The following TEAD1 variants were observed in gnomAD, a reference collection of about 807,000 sequenced individuals.
TEAD1 encodes the protein transcriptional enhancer factor TEF-1.
In TEAD1, 9 loss-of-function variants were observed where a neutral mutation model predicts 54.9. The observed-to-expected ratio is 0.16, with a 90% confidence interval of 0.10 to 0.29. TEAD1 has a LOEUF of 0.29. TEAD1 is among the 10% of genes least tolerant of loss of function. The pLI is 1.00. For synonymous variants in TEAD1, 200 were observed against 187.8 expected, an observed-to-expected ratio of 1.07 and a Z score of -0.53; for missense variants, 387 against 535.9, an observed-to-expected ratio of 0.72 and a Z score of 2.74.
At chr11:12,791,223 T>G (rs1945795759) in intron 3 of TEAD1, among the ~76,000 whole-genome samples, 1 of 152,180 alleles carries the variant, frequency 6.6e-6, no homozygotes, top group Non-Finnish European at 1.5e-5. Flanking sequence ...ATTTATAACT[T>G]CCAGATAACA....
At chr11:12,775,365 A>G (rs1006171101) in intron 3 of TEAD1, among the ~76,000 whole-genome samples, 1 of 152,130 alleles carries the variant, frequency 6.6e-6, no homozygotes, top group African/African-American at 2.4e-5. Flanking sequence ...GTGGGTGGAC[A>G]TTTGTGTTCT....
At chr11:12,674,862 G>A (rs997140728) in intron 1 of TEAD1, 28 bp downstream of exon 1, 2 of 150,780 alleles carry the variant, frequency 1.3e-5, no homozygotes, top group African/African-American at 4.9e-5. Flanking sequence ...GCGGATGCTG[G>A]GGTGCGGGGG....
intron 10 of TEAD1, among the ~76,000 whole-genome samples, chr11:12,915,829 G>A (rs1489268144): frequency 1.3e-5 from 2 of 152,214 alleles, no homozygotes; most frequent in African/African-American, 4.8e-5. Context: ...GGGCAGCAGA[G>A]TGAGACTCTG....
chr11:12,758,326 C>T (rs959355978), intron 2 of TEAD1, among the ~76,000 whole-genome samples: 21 of 151,196 alleles, frequency 1.4e-4, no homozygotes, highest in South Asian at 4.2e-4. Context: ...CTGTGACCTC[C>T]GCCTCCTGGG....
intron 5 of TEAD1, among the ~76,000 whole-genome samples, chr11:12,865,781 C>T (rs1478488837): frequency 6.6e-6 from 1 of 152,046 alleles, no homozygotes; most frequent in East Asian, 1.9e-4. Context: ...TTTAGAAATG[C>T]AAAGAGATTA....
At chr11:12,813,041 T>A (rs1221059212) in intron 3 of TEAD1, among the ~76,000 whole-genome samples, 1 of 152,218 alleles carries the variant, frequency 6.6e-6, no homozygotes, top group East Asian at 1.9e-4. Flanking sequence ...CAGATGCTCC[T>A]AGTGAACTTT....
At chr11:12,723,760 A>G (rs1179568132) in intron 2 of TEAD1, among the ~76,000 whole-genome samples, 1 of 152,242 alleles carries the variant, frequency 6.6e-6, no homozygotes, top group Non-Finnish European at 1.5e-5. Flanking sequence ...GAGTGAGGAT[A>G]AAGAAAATCA....
chr11:12,739,248 CATCT>C (rs1173485864), intron 2 of TEAD1, among the ~76,000 whole-genome samples: 1 of 151,926 alleles, frequency 6.6e-6, no homozygotes, highest in Non-Finnish European at 1.5e-5. Flanking sequence ...ATCTATCAGT[CATCT>C]ATCTCTGTCA....
At chr11:12,707,064 A>G (rs919580344) in intron 2 of TEAD1, among the ~76,000 whole-genome samples, 23 of 148,706 alleles carry the variant, frequency 1.5e-4, no homozygotes, top group African/African-American at 5.2e-4. Context: ...ATTGATGGCC[A>G]GTTGGAGATT....
intron 9 of TEAD1, among the ~76,000 whole-genome samples, chr11:12,891,711 G>C (rs1408155179): frequency 6.6e-6 from 1 of 152,234 alleles, no homozygotes; most frequent in Non-Finnish European, 1.5e-5. Context: ...CTGGCTAATA[G>C]ATGGCAGGGT....
intron 3 of TEAD1, among the ~76,000 whole-genome samples, chr11:12,787,291 T>C (rs925724365): frequency 1.3e-5 from 2 of 152,174 alleles, no homozygotes; most frequent in Non-Finnish European, 2.9e-5. Context: ...GCCTTTTTCT[T>C]CCTCATTTAA....
At chr11:12,848,609 G>C (rs562153422) in intron 3 of TEAD1, among the ~76,000 whole-genome samples, 1 of 152,222 alleles carries the variant, frequency 6.6e-6, no homozygotes, top group Admixed American at 6.5e-5. Flanking sequence ...TGCTGAGCTA[G>C]GTAGAATTAG....
chr11:12,869,480 C>G (rs1947694541), intron 5 of TEAD1, among the ~76,000 whole-genome samples: 1 of 152,092 alleles, frequency 6.6e-6, no homozygotes, highest in African/African-American at 2.4e-5. Context: ...TGTTGTGTGC[C>G]AGAACTTTTC....
chr11:12,796,965 T>C (rs1438699467), intron 3 of TEAD1, among the ~76,000 whole-genome samples: 3 of 151,964 alleles, frequency 2.0e-5, no homozygotes, highest in Admixed American at 2.0e-4. Flanking sequence ...ACAAAAAAAT[T>C]AGCTGGGTGT....
At position 12,879,433 on chromosome 11, in the gene TEAD1, T is replaced by C. The variant is rs1268906853; in HGVS notation, c.331-275T>C. ...GCTGACAAGCTAAATAAATACGTTGTCCACTCTTCTGAGAGGCTTCACATT... is the reference window on the plus strand; with the variant it reads ...GCTGACAAGCTAAATAAATACGTTGCCCACTCTTCTGAGAGGCTTCACATT... On this transcript the variant is annotated intron_variant, in intron 5 of 12. Coordinates refer to ENST00000527636, the MANE Select transcript of TEAD1 (RefSeq NM_021961.6). The C allele has an allele frequency of 1.0e-5, 6 of 602,410 alleles. No homozygotes were observed. The East Asian group carries it at 1.4e-4, about 14-fold the overall frequency. 37.3% of individuals were successfully genotyped at this position (602,410 alleles called of 1,614,324 possible).
intron 2 of TEAD1, among the ~76,000 whole-genome samples, chr11:12,735,535 G>A (rs59630686): frequency 0.029 from 4,371 of 149,780 alleles, 226 homozygotes; most frequent in African/African-American, 0.1. Context: ...ATCTCTGCCC[G>A]CCCTCCTTGT....
intron 10 of TEAD1, among the ~76,000 whole-genome samples, chr11:12,920,473 T>C (rs1948784663): frequency 1.3e-5 from 2 of 152,180 alleles, no homozygotes; most frequent in African/African-American, 4.8e-5. Context: ...TTCCCTTCCA[T>C]AGTCCAGTCT....
At chr11:12,744,977 C>T (rs753121110) in intron 2 of TEAD1, among the ~76,000 whole-genome samples, 1 of 152,182 alleles carries the variant, frequency 6.6e-6, no homozygotes, top group Non-Finnish European at 1.5e-5. Context: ...CTCTGCTCTG[C>T]TGGCTAACCT....
chr11:12,851,915 G>A (rs1947283142), intron 3 of TEAD1, among the ~76,000 whole-genome samples: 1 of 152,188 alleles, frequency 6.6e-6, no homozygotes, highest in African/African-American at 2.4e-5. Context: ...GGAGGTGGAT[G>A]AATAGTCTGT....
Sources: allele counts gnomAD v4.1 joint callset (sites outside exome capture counted in the v4.1 genomes callset), GRCh38; gene constraint gnomAD v4.1.1; transcripts MANE v1.5; gene names NCBI Gene and HGNC (gene_info 2026-07-23, HGNC 2026-07-21).